Variants in PDE1C observed in about 807,000 individuals in gnomAD.
PDE1C encodes the protein phosphodiesterase 1C, also known as dual specificity calcium/calmodulin-dependent 3',5'-cyclic nucleotide phosphodiesterase 1C.
A neutral mutation model predicts 93.1 loss-of-function variants in PDE1C; 62 were observed. The ratio of observed to expected loss-of-function variants is 0.67; its 90% CI spans 0.54 to 0.82. The LOEUF (loss-of-function observed/expected upper bound fraction) is 0.82, where lower values mean the gene tolerates loss of function less well. PDE1C is among the 40% of genes least tolerant of loss of function. The pLI, the probability that PDE1C is intolerant of heterozygous loss-of-function variation, is 0.00. For synonymous variants in PDE1C, 325 were observed against 310.1 expected, an observed-to-expected ratio of 1.05 and a Z score of -0.50; for missense variants, 742 against 884.6, an observed-to-expected ratio of 0.84 and a Z score of 2.04.
intron 1 of PDE1C, among the ~76,000 whole-genome samples, chr7:32,066,500 T>C (rs541600257): frequency 1.3e-5 from 2 of 152,266 alleles, no homozygotes; most frequent in South Asian, 2.1e-4. Flanking sequence ...TGATAATAAA[T>C]GCCAAGGAAT....
chr7:31,694,806 A>T, the PDE1C span, among the ~76,000 whole-genome samples: 1 of 152,076 alleles, frequency 6.6e-6, no homozygotes, highest in Non-Finnish European at 1.5e-5. Context: ...CTTCTGATAG[A>T]CTCGATGTAA....
At chr7:31,882,973 T>G (rs1223851289) in intron 2 of PDE1C, among the ~76,000 whole-genome samples, 1 of 152,200 alleles carries the variant, frequency 6.6e-6, no homozygotes, top group Non-Finnish European at 1.5e-5. Context: ...ACATCAAATG[T>G]ATGCTACTGT....
At chr7:32,079,278 T>A (rs1796526025) in intron 3 of PDE1C, among the ~76,000 whole-genome samples, 1 of 152,218 alleles carries the variant, frequency 6.6e-6, no homozygotes, top group South Asian at 2.1e-4. Flanking sequence ...GCACCATGGA[T>A]CTTTAATCTA....
intron 7 of PDE1C, among the ~76,000 whole-genome samples, chr7:31,855,972 G>A (rs559501726): frequency 6.6e-6 from 1 of 152,114 alleles, no homozygotes; most frequent in Non-Finnish European, 1.5e-5. Context: ...ATTTATTTCT[G>A]TCTAAGGATT....
At chr7:32,374,160 GAGAAAGAAAGAAAGAAAGAA>G (rs764590020) in intron 1 of PDE1C, among the ~76,000 whole-genome samples, 9 of 38,900 alleles carry the variant, frequency 2.3e-4, no homozygotes, top group African/African-American at 1.2e-3. Context: ...AAGAAAGAAA[GAGAAAGAAAGAAAGAAAGAA>G]AGAAAGAAAG....
intron 16 of PDE1C, chr7:31,784,498 G>T (rs957442682): frequency 6.6e-6 from 1 of 152,042 alleles, no homozygotes; most frequent in Non-Finnish European, 1.5e-5. Context: ...ATGGAACAAG[G>T]TGCTTTTATT....
the PDE1C span, among the ~76,000 whole-genome samples, chr7:31,722,622 C>T: frequency 6.6e-6 from 1 of 152,152 alleles, no homozygotes; most frequent in Non-Finnish European, 1.5e-5. Context: ...AATGATGTTC[C>T]ACCTGAGATC....
chr7:31,695,935 G>C, the PDE1C span: 3 of 184,554 alleles, frequency 1.6e-5, no homozygotes, highest in Non-Finnish European at 3.3e-5. Flanking sequence ...ATAAACACAT[G>C]GTGAGCAAAG....
intron 2 of PDE1C, among the ~76,000 whole-genome samples, chr7:31,961,933 G>A (rs908589185): frequency 6.6e-6 from 1 of 152,164 alleles, no homozygotes; most frequent in African/African-American, 2.4e-5. Flanking sequence ...TTGCTGAGAT[G>A]ATCCTTAAGC....
At chr7:32,194,504 G>T (rs1252714057) in intron 2 of PDE1C, among the ~76,000 whole-genome samples, 1 of 152,160 alleles carries the variant, frequency 6.6e-6, no homozygotes, top group East Asian at 1.9e-4. Flanking sequence ...ATATAGGATT[G>T]CTATGTCTTC....
chr7:32,225,933 T>C (rs10951325), intron 1 of PDE1C, among the ~76,000 whole-genome samples: 62,066 of 151,822 alleles, frequency 0.41, 13,465 homozygotes, highest in East Asian at 0.65. Context: ...TGGCACGTGC[T>C]TGTAGTCCCA....
chr7:32,162,025 G>A lies in PDE1C; in HGVS notation c.308+7760C>T, dbSNP rs142181911. Among the ~76,000 whole-genome samples the A allele has an allele frequency of 1.7e-3, 266 of 152,236 alleles. 1 individual carries two copies. Among genetic ancestry groups the A allele is most frequent in the Admixed American group, 3.9e-3 (59 of 15,302 alleles). The stretch of plus-strand genomic sequence containing the variant: ...CCCTAGAGACAAGCCCACTGGCTAG[G>A]AGCCAGGTGTGTCCATCAGCAGACC... On this transcript the variant is annotated intron_variant, in intron 3 of 18. Transcript: ENST00000396193.
intron 1 of PDE1C, among the ~76,000 whole-genome samples, chr7:32,357,688 A>AT (rs1784059013): frequency 6.6e-6 from 1 of 152,258 alleles, no homozygotes; most frequent in South Asian, 2.1e-4. Flanking sequence ...CCTGGAGATG[A>AT]TTTTCAGGAC....
At chr7:32,232,753 C>T (rs539537363) in intron 1 of PDE1C, among the ~76,000 whole-genome samples, 8 of 152,222 alleles carry the variant, frequency 5.3e-5, no homozygotes, top group African/African-American at 4.8e-5. Flanking sequence ...AATGGATAGA[C>T]GGGTATCCAT....
At chr7:31,922,758 G>A (rs998960476) in intron 2 of PDE1C, among the ~76,000 whole-genome samples, 9 of 152,156 alleles carry the variant, frequency 5.9e-5, no homozygotes, top group Middle Eastern at 3.4e-3. Context: ...AAACAAAATC[G>A]TTCACTCAGT....
chr7:31,846,351 A>T (rs1792600116), intron 9 of PDE1C, among the ~76,000 whole-genome samples: 1 of 151,534 alleles, frequency 6.6e-6, no homozygotes, highest in Non-Finnish European at 1.5e-5. Flanking sequence ...CTGATCTTTG[A>T]AAAGCCTGAC....
At chr7:32,405,172 G>A (rs569002564) in intron 1 of PDE1C, among the ~76,000 whole-genome samples, 2 of 152,236 alleles carry the variant, frequency 1.3e-5, no homozygotes, top group South Asian at 2.1e-4. Flanking sequence ...CAGACCTGCA[G>A]GGATGAAGTC....
chr7:31,904,558 A>C (rs1353617461), intron 2 of PDE1C, among the ~76,000 whole-genome samples: 1 of 151,906 alleles, frequency 6.6e-6, no homozygotes, highest in East Asian at 1.9e-4. Flanking sequence ...TACTCTACTG[A>C]TCCCTGCTAC....
chr7:31,822,351 G>A (rs1183309664), intron 14 of PDE1C, among the ~76,000 whole-genome samples: 1 of 152,090 alleles, frequency 6.6e-6, no homozygotes, highest in East Asian at 1.9e-4. Context: ...TGCGCTACCT[G>A]TGCACAAGGG....
Sources: gnomAD v4.1 joint callset for allele counts (sites outside exome capture counted in the v4.1 genomes callset) on GRCh38, gnomAD v4.1.1 for gene constraint, MANE v1.5 for transcripts, NCBI Gene and HGNC (gene_info 2026-07-23, HGNC 2026-07-21) for gene names.